MYO5B: variants seen among roughly 807,000 people sequenced by gnomAD.
MYO5B encodes myosin VB, also known as unconventional myosin-Vb.
Under a neutral mutation model 229.3 loss-of-function variants are expected in MYO5B, and 143 were observed. The observed-to-expected ratio is 0.62, with a 90% CI of 0.54 to 0.72. The LOEUF is 0.72. MYO5B is among the 30% of genes least tolerant of loss of function. The probability of loss-of-function intolerance (pLI) is 0.00; values close to 1 mark genes in which losing one functional copy is unlikely to be tolerated. For missense variants in MYO5B, 2,321 were observed against 2,331.0 expected (o/e 1.00, Z 0.09); for synonymous variants, 918 against 885.2 (o/e 1.04, Z -0.66).
At chr18:50,079,083 G>A (rs752474834) in intron 1 of MYO5B, among the ~76,000 whole-genome samples, 2 of 152,240 alleles carry the variant, frequency 1.3e-5, no homozygotes, top group African/African-American at 2.4e-5. Flanking sequence ...CATAGTGACT[G>A]CAAGGGCACA....
chr18:50,117,436 C>T (rs950860821), intron 1 of MYO5B, among the ~76,000 whole-genome samples: 3 of 152,160 alleles, frequency 2.0e-5, no homozygotes, highest in Non-Finnish European at 2.9e-5. Context: ...CCTCCATGAT[C>T]TCTAAGCACA....
At chr18:50,074,072 A>G (rs1456215044) in intron 1 of MYO5B, among the ~76,000 whole-genome samples, 1 of 152,166 alleles carries the variant, frequency 6.6e-6, no homozygotes, top group Non-Finnish European at 1.5e-5. Context: ...CGAGACTGGG[A>G]AGAAAAAGAG....
intron 4 of MYO5B, among the ~76,000 whole-genome samples, chr18:50,010,316 AT>A (rs369461493): frequency 4.3e-4 from 65 of 152,290 alleles, no homozygotes; most frequent in African/African-American, 1.5e-3. Flanking sequence ...CTTGCTGGCT[AT>A]TCCCAAGCAG....
At chr18:49,839,495 ACT>A in intron 35 of MYO5B, 1 of 626,478 alleles carries the variant, frequency 1.6e-6, no homozygotes, top group South Asian at 1.8e-5. Context: ...ATGTAGAAAA[ACT>A]CAACATGAGA....
At chr18:49,970,079 AG>A (rs1198153217) in intron 10 of MYO5B, 1 of 152,236 alleles carries the variant, frequency 6.6e-6, no homozygotes, top group Non-Finnish European at 1.5e-5. Flanking sequence ...TAGAGACTCA[AG>A]GGGAGGAGAG....
At chr18:49,895,772 A>G (rs1483410040) in intron 21 of MYO5B, among the ~76,000 whole-genome samples, 1 of 152,112 alleles carries the variant, frequency 6.6e-6, no homozygotes, top group Non-Finnish European at 1.5e-5. Flanking sequence ...TGCCCAAACC[A>G]TGCTCCTGCA....
chr18:49,860,016 G>A (rs1326273501), intron 29 of MYO5B, among the ~76,000 whole-genome samples: 1 of 152,176 alleles, frequency 6.6e-6, no homozygotes. Flanking sequence ...ATAACCCCAG[G>A]TGCGCCCGAC....
At chr18:50,188,785 TAAAAAA>T (rs4042094) in intron 1 of MYO5B, among the ~76,000 whole-genome samples, 5,570 of 105,374 alleles carry the variant, frequency 0.053, 444 homozygotes, top group African/African-American at 0.19. Flanking sequence ...GACTCTGTCA[TAAAAAA>T]AAAAAAAAAA....
intron 1 of MYO5B, among the ~76,000 whole-genome samples, chr18:50,125,833 A>G (rs1311945079): frequency 6.6e-6 from 1 of 152,222 alleles, no homozygotes; most frequent in East Asian, 1.9e-4. Context: ...TTAAAAGGGA[A>G]GGAAATTCTA....
At chr18:50,071,148 A>G (rs915503859) in intron 1 of MYO5B, among the ~76,000 whole-genome samples, 1 of 152,090 alleles carries the variant, frequency 6.6e-6, no homozygotes, top group Non-Finnish European at 1.5e-5. Context: ...ATCCTTCCTG[A>G]GCTTTCCTGC....
intron 5 of MYO5B, among the ~76,000 whole-genome samples, chr18:49,995,323 C>T (rs901764109): frequency 2.8e-4 from 40 of 143,646 alleles, no homozygotes; most frequent in African/African-American, 9.1e-4. Flanking sequence ...GGTGTGATCT[C>T]GGCTCACTGC....
At chr18:49,843,591 G>A (rs1206505089) in intron 33 of MYO5B, among the ~76,000 whole-genome samples, 199 bp from the exon 34 acceptor site, 1 of 152,234 alleles carries the variant, frequency 6.6e-6, no homozygotes, top group Non-Finnish European at 1.5e-5. Flanking sequence ...TTCAGACACT[G>A]TGGTTAAAAA....
chr18:50,143,291 A>G (rs989799377), intron 1 of MYO5B, among the ~76,000 whole-genome samples: 2 of 152,208 alleles, frequency 1.3e-5, no homozygotes, highest in African/African-American at 4.8e-5. Flanking sequence ...AAAGGATGTT[A>G]TCTGTTTGAA....
At chr18:50,104,265 G>GATATATATATATATATATAT (rs3075606) in intron 1 of MYO5B, among the ~76,000 whole-genome samples, 54 of 134,534 alleles carry the variant, frequency 4.0e-4, no homozygotes, top group African/African-American at 1.1e-3. Context: ...ATCTATACAT[G>GATATATATATATATATATAT]ATATATATAT....
intron 27 of MYO5B, among the ~76,000 whole-genome samples, chr18:49,868,763 A>C (rs936202289): frequency 6.6e-6 from 1 of 151,910 alleles, no homozygotes; most frequent in East Asian, 1.9e-4. Context: ...TCTTCCATCC[A>C]CCCTACTCAG....
intron 5 of MYO5B, among the ~76,000 whole-genome samples, chr18:49,994,739 T>C (rs1464721712): frequency 6.6e-6 from 1 of 152,222 alleles, no homozygotes; most frequent in Non-Finnish European, 1.5e-5. Context: ...GAGGCCTCAG[T>C]GTAACCACTT....
chr18:50,173,271 A>G (rs1374555221), intron 1 of MYO5B, among the ~76,000 whole-genome samples: 1 of 151,358 alleles, frequency 6.6e-6, no homozygotes, highest in Non-Finnish European at 1.5e-5. Flanking sequence ...AAAACAAAAA[A>G]CAGAAGAAAA....
chr18:50,093,180 CCACACACACACA>C (rs3075642), intron 1 of MYO5B, among the ~76,000 whole-genome samples: 33 of 148,744 alleles, frequency 2.2e-4, no homozygotes, highest in African/African-American at 3.9e-4. Context: ...GAGCTTTGTG[CCACACACACACA>C]CACACACACA....
intron 10 of MYO5B, among the ~76,000 whole-genome samples, chr18:49,967,553 G>A (rs539036573): frequency 5.3e-5 from 8 of 152,302 alleles, no homozygotes; most frequent in African/African-American, 1.7e-4. Context: ...AGATACAGAC[G>A]ATAGCTTCCA....
Sources: allele counts gnomAD v4.1 joint callset (sites outside exome capture counted in the v4.1 genomes callset), GRCh38; gene constraint gnomAD v4.1.1; transcripts MANE v1.5; gene names NCBI Gene and HGNC (gene_info 2026-07-23, HGNC 2026-07-21).